Variants in CPEB4 observed in about 807,000 individuals in gnomAD.
CPEB4 encodes cytoplasmic polyadenylation element-binding protein 4.
In CPEB4, 12 loss-of-function variants were observed where a neutral mutation model predicts 72.5. That is an observed-to-expected ratio of 0.17 (90% CI 0.11 to 0.27). The LOEUF (loss-of-function observed/expected upper bound fraction) is 0.27. Among genes scored for constraint, CPEB4 ranks in the 10% least tolerant of loss-of-function variants. The pLI, the probability that CPEB4 is intolerant of heterozygous loss-of-function variation, is 1.00. For missense variants in CPEB4, 614 were observed against 908.5 expected, an observed-to-expected ratio of 0.68 and a Z score of 4.17; for synonymous variants, 302 against 326.3, an observed-to-expected ratio of 0.93 and a Z score of 0.80.
intron 2 of CPEB4, among the ~76,000 whole-genome samples, chr5:173,921,084 G>T (rs1310074953): frequency 6.6e-6 from 1 of 152,298 alleles, no homozygotes; most frequent in South Asian, 2.1e-4. Flanking sequence ...GATGTCACTT[G>T]TGTATGCATG....
intron 3 of CPEB4, among the ~76,000 whole-genome samples, chr5:173,940,571 A>G (rs1366422533): frequency 6.6e-6 from 1 of 152,176 alleles, no homozygotes; most frequent in East Asian, 1.9e-4. Context: ...CATTCTATTA[A>G]TGTCTGGGTT....
intron 1 of CPEB4, among the ~76,000 whole-genome samples, chr5:173,908,022 G>A (rs1756507321): frequency 6.6e-6 from 1 of 152,200 alleles, no homozygotes; most frequent in South Asian, 2.1e-4. Context: ...GATGGAAATG[G>A]ATGGCCCTTT....
intron 2 of CPEB4, among the ~76,000 whole-genome samples, chr5:173,924,893 C>T (rs967380616): frequency 2.0e-5 from 3 of 152,188 alleles, no homozygotes; most frequent in Non-Finnish European, 2.9e-5. Flanking sequence ...CATTGCCCTA[C>T]AGCAAGAGAT....
chr5:173,928,649 G>A (rs933976333), intron 2 of CPEB4, among the ~76,000 whole-genome samples: 1 of 152,112 alleles, frequency 6.6e-6, no homozygotes, highest in Non-Finnish European at 1.5e-5. Context: ...GAATAGAAAA[G>A]CTATAGAAAC....
intron 9 of CPEB4, among the ~76,000 whole-genome samples, chr5:173,954,698 T>G (rs773703556): frequency 2.6e-5 from 4 of 152,098 alleles, no homozygotes; most frequent in Non-Finnish European, 2.9e-5. Context: ...TTATGCACAC[T>G]AAAAAATACC....
At position 173,957,820 on chromosome 5, in the gene CPEB4, A is replaced by G. The variant is rs1581176105; in HGVS notation, c.*1683A>G. On this transcript the variant is annotated 3_prime_UTR_variant, in exon 10 of 10. Transcript: ENST00000265085. ...TGACCCCTATGGATGATCTTTAGGAAAAGCAGCCCTTTACTTTTAATACAG... is the reference window on the plus strand; with the variant it reads ...TGACCCCTATGGATGATCTTTAGGAGAAGCAGCCCTTTACTTTTAATACAG... 6.5e-6 allele frequency: 1 copy of G among 152,770 alleles called. No homozygotes were observed. The highest frequency in any genetic ancestry group is 1.5e-5 in the Non-Finnish European group (1 of 68,042). The allele number at this position is 152,770 out of a possible 1,614,324, so 9.5% of individuals were successfully genotyped here.
At chr5:173,914,129 T>C (rs184620226) in intron 2 of CPEB4, among the ~76,000 whole-genome samples, 1 of 152,360 alleles carries the variant, frequency 6.6e-6, no homozygotes, top group East Asian at 1.9e-4. Context: ...AGATTATAGT[T>C]ACGCTTGTTT....
chr5:173,915,671 A>G (rs527350804), intron 2 of CPEB4, among the ~76,000 whole-genome samples: 13 of 152,324 alleles, frequency 8.5e-5, no homozygotes, highest in Admixed American at 7.2e-4. Context: ...GTTTTTCTTC[A>G]CCTGGACAGA....
rs909425722 is a variant in CPEB4, at chr5:173,895,792, G to A, written c.1125+4934G>A. On this transcript the variant is annotated intron_variant, in intron 1 of 9. Transcript: ENST00000265085. ...TTTAACTAGGTTAGATAGCTTTTCT[G>A]ATGAAATTAAAACTAATTCCAGGGT... Among the ~76,000 whole-genome samples, 3 of 152,174 alleles carry A rather than the reference G, an allele frequency of 2.0e-5. No homozygotes were observed. In the East Asian group the frequency reaches 5.8e-4, roughly 29 times the overall value.
Position 173,890,759 on chromosome 5 carries a change from T to C in CPEB4, c.1026T>C (p.His342=). 6.2e-7 allele frequency: 1 copy of C among 1,614,218 alleles called. No individual in the cohort carries two copies. The highest frequency in any genetic ancestry group is 8.5e-7 in the Non-Finnish European group (1 of 1,180,044). Residue 342 remains histidine (H), a synonymous_variant, in exon 1 of 10, where the codon CAT becomes CAC. Transcript: ENST00000265085. The part of the protein sequence containing the change: ...SPLKKNFASN[H]IQLQKYARPS... ...TGAAGAAAAATTTTGCAAGCAATCA[T>C]ATTCAGCTCCAGAAGTATGCTCGCC...
Position 173,958,318 on chromosome 5 carries a change from GCA to G in CPEB4, c.*2185_*2186del, listed in dbSNP as rs1209837726. ...TTTTTCCAACAGTGAACATTTTTAG[GCA>G]CACTTTTCACTGACGGGATATCTCT... is the stretch of plus-strand genomic sequence containing the variant. On this transcript the variant is annotated 3_prime_UTR_variant, in exon 10 of 10. Transcript: ENST00000265085. The G allele has an allele frequency of 6.6e-6, 1 of 152,576 alleles. No homozygotes were observed. Among genetic ancestry groups the G allele is most frequent in the Non-Finnish European group, 1.5e-5 (1 of 67,986 alleles). 9.5% of individuals were successfully genotyped at this position (152,576 alleles called of 1,614,324 possible). A position where few individuals can be genotyped will look rare whatever the true frequency, so the allele number is the denominator to read the frequency against.
intron 1 of CPEB4, among the ~76,000 whole-genome samples, chr5:173,908,966 A>G (rs537754494): frequency 1.3e-5 from 2 of 152,264 alleles, no homozygotes; most frequent in African/African-American, 4.8e-5. Flanking sequence ...CAGAGCATGT[A>G]TTATTGCTTT....
intron 3 of CPEB4, among the ~76,000 whole-genome samples, chr5:173,940,094 C>T (rs1002607046): frequency 6.6e-6 from 1 of 151,884 alleles, no homozygotes; most frequent in Admixed American, 6.6e-5. Context: ...GGCGAGAATC[C>T]ATCTCCAAAA....
rs370399453 is a variant in CPEB4 at position 173,890,043 on chromosome 5, G to T, written c.310G>T (p.Ala104Ser). The change falls in exon 1 of 10, where the codon GCT (alanine) becomes TCT (serine). Residue 104 changes from alanine (A) to serine (S), a missense_variant. Ala to Ser is a moderately conservative substitution (Grantham distance 99). Around this residue, in one of 5 missense-constraint regions of CPEB4, gnomAD observed 458 missense variants for 548.6 expected, o/e 0.83. Transcript: ENST00000265085. ...QQLSPSPGQE[A>S]GILPETEKAK... ...GCTTTCCCCAAGTCCAGGTCAGGAA[G>T]CTGGAATACTGCCTGAAACAGAGAA... 3 of 1,614,052 alleles carry T rather than the reference G, an allele frequency of 1.9e-6. No individual in the cohort carries two copies. In the African/African-American group the frequency reaches 4.0e-5, roughly 22 times the overall value.
At chr5:173,903,761 A>G (rs1756323698) in intron 1 of CPEB4, among the ~76,000 whole-genome samples, 1 of 152,256 alleles carries the variant, frequency 6.6e-6, no homozygotes, top group Admixed American at 6.5e-5. Flanking sequence ...CTGGAATGTC[A>G]TGAAAAGCCT....
intron 2 of CPEB4, among the ~76,000 whole-genome samples, chr5:173,915,708 A>G (rs766300604): frequency 2.0e-5 from 3 of 152,224 alleles, no homozygotes; most frequent in Non-Finnish European, 1.5e-5. Context: ...GTAGATGCCT[A>G]GATGATTATT....
chr5:173,914,349 TA>T (rs1009720241), intron 2 of CPEB4, among the ~76,000 whole-genome samples: 53 of 152,314 alleles, frequency 3.5e-4, no homozygotes, highest in African/African-American at 7.2e-4. Flanking sequence ...TTGAATAACT[TA>T]AAAAAACACA....
rs35687776 is a variant in CPEB4, at chr5:173,889,527, AT to A, written c.-200del. 4.3e-6 allele frequency: 2 copies of A among 463,068 alleles called. No individual in the cohort carries two copies. Among genetic ancestry groups the A allele is most frequent in the Admixed American group, 3.9e-5 (1 of 25,890 alleles). 28.7% of individuals were successfully genotyped at this position (463,068 alleles called of 1,614,324 possible). A position where few individuals can be genotyped will look rare whatever the true frequency, so the allele number is the denominator to read the frequency against. On this transcript the variant is annotated 5_prime_UTR_variant, in exon 1 of 10. Coordinates refer to ENST00000265085, the MANE Select transcript of CPEB4 (RefSeq NM_030627.4). Reference sequence around the variant, plus strand: ...TGGATCCAAGTCAATGTTTTAAGAGATTTTTTTAAGAGTTGTTTTTTCTTTC... The same window carrying A: ...TGGATCCAAGTCAATGTTTTAAGAGATTTTTTAAGAGTTGTTTTTTCTTTC...
intron 2 of CPEB4, among the ~76,000 whole-genome samples, chr5:173,917,873 T>C (rs1389085179): frequency 6.6e-6 from 1 of 152,212 alleles, no homozygotes; most frequent in East Asian, 1.9e-4. Context: ...TATCATTAAG[T>C]CTTTAAGACT....
Sources: gnomAD v4.1 joint callset for allele counts (sites outside exome capture counted in the v4.1 genomes callset) on GRCh38, gnomAD v4.1.1 for gene constraint, gnomAD v4.1.1 regional missense constraint, MANE v1.5 for transcripts, NCBI Gene and HGNC (gene_info 2026-07-23, HGNC 2026-07-21) for gene names.